Variants in FRMD6 observed in about 807,000 individuals in gnomAD.
FRMD6 encodes the protein FERM domain containing 6.
FRMD6 carries 37 observed loss-of-function variants against 73.2 expected under a neutral mutation model. The observed-to-expected ratio is 0.51, with a 90% CI of 0.39 to 0.66. The LOEUF is 0.66. Among genes scored for constraint, FRMD6 ranks in the 30% least tolerant of loss-of-function variants. FRMD6 has a pLI of 0.00. For missense variants in FRMD6, 714 were observed against 780.5 expected, an observed-to-expected ratio of 0.91 and a Z score of 1.02; for synonymous variants, 273 against 282.2, an observed-to-expected ratio of 0.97 and a Z score of 0.33.
At chr14:51,514,894 G>A (rs115584029) in intron 1 of FRMD6, among the ~76,000 whole-genome samples, 44 of 152,250 alleles carry the variant, frequency 2.9e-4, no homozygotes, top group African/African-American at 1.0e-3. Flanking sequence ...GAGAAAGGAA[G>A]CAATATGCGA....
intron 1 of FRMD6, among the ~76,000 whole-genome samples, chr14:51,537,377 A>G (rs1319713215): frequency 1.3e-5 from 2 of 152,154 alleles, no homozygotes; most frequent in African/African-American, 2.4e-5. Flanking sequence ...TATTGGACGG[A>G]CCACAGTTTT....
At chr14:51,725,285 G>T (rs918628743) in intron 12 of FRMD6, among the ~76,000 whole-genome samples, 5 of 152,140 alleles carry the variant, frequency 3.3e-5, no homozygotes, top group African/African-American at 1.2e-4. Flanking sequence ...TTAGTTATCT[G>T]GGCCAGGATC....
the FRMD6 span, among the ~76,000 whole-genome samples, chr14:51,447,406 G>A: frequency 3.3e-5 from 5 of 152,158 alleles, no homozygotes; most frequent in Admixed American, 6.5e-5. Context: ...CTTCTATACA[G>A]TCCAGTGCAC....
the FRMD6 span, among the ~76,000 whole-genome samples, chr14:51,437,460 A>G: frequency 6.6e-6 from 1 of 151,968 alleles, no homozygotes; most frequent in African/African-American, 2.4e-5. Context: ...GCACCACCAC[A>G]CCCGGCTAAT....
intron 1 of FRMD6, among the ~76,000 whole-genome samples, chr14:51,688,410 A>G (rs1044210027): frequency 3.3e-5 from 5 of 152,216 alleles, no homozygotes; most frequent in African/African-American, 1.2e-4. Context: ...TAAGAAGAAT[A>G]CTAGATTATA....
intron 2 of FRMD6, among the ~76,000 whole-genome samples, chr14:51,624,500 ACTATC>A (rs747902928): frequency 1.3e-4 from 20 of 152,194 alleles, no homozygotes; most frequent in Non-Finnish European, 2.4e-4. Flanking sequence ...CAATTTCTGA[ACTATC>A]CCCTTCTTTC....
chr14:51,662,591 C>G (rs1050556167), intron 1 of FRMD6, among the ~76,000 whole-genome samples: 3 of 152,090 alleles, frequency 2.0e-5, no homozygotes, highest in Non-Finnish European at 4.4e-5. Flanking sequence ...AATTGGCTAG[C>G]CATATACACA....
chr14:51,721,716 A>G (rs373448126), intron 11 of FRMD6, among the ~76,000 whole-genome samples: 159 of 114,968 alleles, frequency 1.4e-3, no homozygotes, highest in Middle Eastern at 3.9e-3. Flanking sequence ...GGAAGGAAGG[A>G]AGGGAGGGAG....
the FRMD6 span, among the ~76,000 whole-genome samples, chr14:51,474,288 C>T: frequency 6.6e-6 from 1 of 152,102 alleles, no homozygotes; most frequent in South Asian, 2.1e-4. Context: ...TGGAAATTTC[C>T]CTGCCCTTAG....
intron 2 of FRMD6, among the ~76,000 whole-genome samples, chr14:51,695,680 C>G (rs554304483): frequency 2.9e-4 from 44 of 152,302 alleles, no homozygotes; most frequent in Admixed American, 2.6e-3. Context: ...TGAGTGCCTA[C>G]TATAGATCCT....
chr14:51,547,358 C>A (rs950110295), intron 1 of FRMD6, among the ~76,000 whole-genome samples: 1 of 152,186 alleles, frequency 6.6e-6, no homozygotes, highest in African/African-American at 2.4e-5. Flanking sequence ...TTCTGTTTCT[C>A]TTGGCTGTAA....
intron 9 of FRMD6, chr14:51,715,058 G>A (rs1338364342): frequency 7.7e-6 from 2 of 259,086 alleles, no homozygotes; most frequent in East Asian, 7.3e-5. Context: ...TGACCAGCCA[G>A]AGAAACCAAA....
the FRMD6 span, among the ~76,000 whole-genome samples, chr14:51,422,448 A>G: frequency 6.6e-6 from 1 of 152,252 alleles, no homozygotes; most frequent in African/African-American, 2.4e-5. Context: ...TGACTGATAA[A>G]TAAACCAATA....
At chr14:51,544,275 A>T (rs1159322344) in intron 1 of FRMD6, among the ~76,000 whole-genome samples, 1 of 152,106 alleles carries the variant, frequency 6.6e-6, no homozygotes, top group South Asian at 2.1e-4. Context: ...TTAAGGATTT[A>T]TGTAAATATT....
At chr14:51,473,553 C>CA in the FRMD6 span, among the ~76,000 whole-genome samples, 1 of 152,208 alleles carries the variant, frequency 6.6e-6, no homozygotes, top group Non-Finnish European at 1.5e-5. Context: ...GAAATTTGAA[C>CA]AGATTGAAAC....
chr14:51,721,194 C>A (rs1292865667), intron 11 of FRMD6, among the ~76,000 whole-genome samples: 1 of 152,098 alleles, frequency 6.6e-6, no homozygotes, highest in Non-Finnish European at 1.5e-5. Flanking sequence ...GCAAAGGGCC[C>A]ATCAGTTTCG....
intron 2 of FRMD6, among the ~76,000 whole-genome samples, chr14:51,588,813 C>T (rs1889205706): frequency 6.6e-6 from 1 of 152,180 alleles, no homozygotes; most frequent in Non-Finnish European, 1.5e-5. Flanking sequence ...GAGAATCAGA[C>T]ACAAAACCCA....
intron 1 of FRMD6, among the ~76,000 whole-genome samples, chr14:51,554,957 T>A (rs907895170): frequency 5.3e-5 from 8 of 152,230 alleles, no homozygotes; most frequent in African/African-American, 1.9e-4. Flanking sequence ...CTCTGTGCTA[T>A]TTTCACAATT....
chr14:51,579,961 G>A (rs1286560522), intron 2 of FRMD6, among the ~76,000 whole-genome samples: 2 of 152,182 alleles, frequency 1.3e-5, no homozygotes, highest in Non-Finnish European at 2.9e-5. Flanking sequence ...TGTTACCCAT[G>A]AAACGTTCTG....
Sources: allele counts gnomAD v4.1 joint callset (sites outside exome capture counted in the v4.1 genomes callset), GRCh38; gene constraint gnomAD v4.1.1; transcripts MANE v1.5; gene names NCBI Gene and HGNC (gene_info 2026-07-23, HGNC 2026-07-21).